ANKRD36: variants seen among roughly 807,000 people sequenced by gnomAD.
ANKRD36 encodes ankyrin repeat domain 36.
ANKRD36 carries 179 observed loss-of-function variants against 278.1 expected under a neutral mutation model. The observed-to-expected ratio is 0.64, with a 90% CI of 0.57 to 0.73. The LOEUF (loss-of-function observed/expected upper bound fraction) is 0.73, where lower values mean the gene tolerates loss of function less well. Ranked by LOEUF, ANKRD36 falls within the 30% of genes least tolerant of loss-of-function variation. The pLI, the probability that ANKRD36 is intolerant of heterozygous loss-of-function variation, is 0.00. For synonymous variants in ANKRD36, 320 were observed against 641.1 expected, an observed-to-expected ratio of 0.50 and a Z score of 7.57; for missense variants, 1,159 against 1,956.7, an observed-to-expected ratio of 0.59 and a Z score of 7.69.
intron 8 of ANKRD36, 48 bp downstream of exon 8, chr2:97,142,883 G>T (rs771257830): frequency 2.1e-5 from 32 of 1,513,338 alleles, no homozygotes. Flanking sequence ...GGATAGAAGA[G>T]AACTTCTGTT....
chr2:97,200,628 C>A, intron 46 of ANKRD36, 103 bp downstream of exon 46: 1 of 1,496,326 alleles, frequency 6.7e-7, no homozygotes, highest in Non-Finnish European at 9.0e-7. Flanking sequence ...CGTTCTGATT[C>A]ACCAAGCTTG....
Position 97,127,781 on chromosome 2 carries a change from T to C in ANKRD36, c.799+647T>C, listed in dbSNP as rs1207017463. On this transcript the variant is annotated intron_variant, in intron 6 of 75. Transcript: ENST00000420699. ...TTTACTCCATTTACTCATTTTAAAA[T>C]GTTGGTCTTTTTCTTGCCCGCATGC... Among the ~76,000 whole-genome samples, 2 of 152,028 alleles carry C rather than the reference T, an allele frequency of 1.3e-5. 1 individual carries two copies. Among genetic ancestry groups the C allele is most frequent in the Admixed American group, 1.3e-4 (2 of 15,184 alleles).
chr2:97,185,875 A>T (rs2057321774), intron 30 of ANKRD36, among the ~76,000 whole-genome samples: 1 of 151,850 alleles, frequency 6.6e-6, no homozygotes, highest in Non-Finnish European at 1.5e-5. Context: ...TTATTGCTAA[A>T]AACAGATGGA....
intron 50 of ANKRD36, among the ~76,000 whole-genome samples, chr2:97,204,464 C>T (rs984063397): frequency 6.6e-6 from 1 of 151,562 alleles, no homozygotes; most frequent in African/African-American, 2.4e-5. Flanking sequence ...TATACACTTC[C>T]CCACATTGAA....
intron 32 of ANKRD36, among the ~76,000 whole-genome samples, chr2:97,188,480 C>G (rs1001063735): frequency 2.6e-5 from 4 of 151,562 alleles, no homozygotes; most frequent in African/African-American, 9.7e-5. Flanking sequence ...ATACAAGATA[C>G]TTAGGCAAAT....
Position 97,206,121 on chromosome 2 carries a change from A to C in ANKRD36, c.3149A>C (p.Glu1050Ala), listed in dbSNP as rs1334286974. 1.3e-6 allele frequency: 2 copies of C among 1,541,958 alleles called. No individual in the cohort carries two copies. The highest frequency in any genetic ancestry group is 4.9e-5 in the East Asian group (2 of 41,200). Residue 1050 changes from glutamate to alanine, a missense_variant, in exon 52 of 76, where the codon GAA becomes GCA. Transcript: ENST00000420699. ...ATAGCCAGAGAAAACAAGGATGGAGAAAAATCTAGGACAGGTAATTCTGAA... is the reference window on the plus strand; with the variant it reads ...ATAGCCAGAGAAAACAAGGATGGAGCAAAATCTAGGACAGGTAATTCTGAA... The part of the protein sequence containing the change: ...LSIARENKDG[E>A]KSRTVSSEKP...
chr2:97,228,657 G>C (rs1463131574), intron 67 of ANKRD36, among the ~76,000 whole-genome samples: 4 of 151,316 alleles, frequency 2.6e-5, no homozygotes, highest in Non-Finnish European at 5.9e-5. Flanking sequence ...TCTGATTTTA[G>C]TTATTTCTTG....
intron 42 of ANKRD36, among the ~76,000 whole-genome samples, chr2:97,197,149 T>C (rs924173251): frequency 1.3e-5 from 2 of 151,920 alleles, no homozygotes; most frequent in Non-Finnish European, 2.9e-5. Flanking sequence ...ATCATACTGC[T>C]AAAAACAGAC....
Position 97,207,949 on chromosome 2 carries a change from A to T in ANKRD36, c.3208A>T (p.Lys1070Ter), listed in dbSNP as rs763353324. 6 of 1,527,740 alleles carry T rather than the reference A, an allele frequency of 3.9e-6. No homozygotes were observed. In the South Asian group the frequency reaches 7.2e-5, roughly 18 times the overall value. The allele number at this position is 1,527,740 out of a possible 1,614,324, so 94.6% of individuals were successfully genotyped here. ...PSGLKATSAE[K>*]DSVLNIARGK... ...TTCCATTCAGGCTACAAGTGCCGAG[A>T]AAGATTCTGTTTTGAATATAGCCAG... The change falls in exon 54 of 76, where the codon AAA becomes TAA. Residue 1070 changes from lysine to a stop codon, truncating the protein, a stop_gained. Transcript: ENST00000420699. LOFTEE classifies it high-confidence loss of function.
At chr2:97,157,958 T>G (rs1445487480) in intron 15 of ANKRD36, 149 bp from the exon 16 acceptor site, 3 of 663,608 alleles carry the variant, frequency 4.5e-6, no homozygotes, top group Admixed American at 5.9e-5. Flanking sequence ...TGTGAATATG[T>G]AGATAAGTAA....
intron 36 of ANKRD36, 79 bp from the exon 37 acceptor site, chr2:97,192,779 G>A: frequency 6.6e-7 from 1 of 1,511,580 alleles, no homozygotes; most frequent in Non-Finnish European, 9.1e-7. Flanking sequence ...AACAGAGGTT[G>A]ATACAAACAC....
intron 46 of ANKRD36, 99 bp from the exon 47 acceptor site, chr2:97,202,103 C>A: frequency 6.3e-7 from 1 of 1,579,016 alleles, no homozygotes; most frequent in Non-Finnish European, 8.6e-7. Flanking sequence ...TATGCTAATA[C>A]AGGCAGGAGG....
Position 97,164,446 on chromosome 2 carries a change from T to G in ANKRD36, c.1508T>G (p.Met503Arg). Residue 503 changes from methionine (M) to arginine (R), a missense_variant, in exon 20 of 76, where the codon ATG becomes AGG. Physicochemically the swap from Met to Arg is moderately conservative, Grantham distance 91. Transcript: ENST00000420699. ...ATTTCAACTAGATTCTTAGGAGGTA[T>G]GGATTCACTAACTTCCAGTGAAGGT... ...DHISTRFLGG[M>R]DSLTSSEESS... 6.5e-7 allele frequency: 1 copy of G among 1,537,236 alleles called. No individual in the cohort carries two copies. The highest frequency in any genetic ancestry group is 8.7e-7 in the Non-Finnish European group (1 of 1,146,776).
intron 42 of ANKRD36, among the ~76,000 whole-genome samples, chr2:97,198,118 C>A (rs1261567965): frequency 6.6e-6 from 1 of 151,900 alleles, no homozygotes. Flanking sequence ...GTAGCACCTG[C>A]TTTGACATTG....
chr2:97,210,310 A>G (rs568690996), intron 56 of ANKRD36, among the ~76,000 whole-genome samples: 8 of 151,772 alleles, frequency 5.3e-5, no homozygotes, highest in Admixed American at 1.3e-4. Context: ...TGTAGCAACT[A>G]TTTTCCTAAG....
intron 42 of ANKRD36, among the ~76,000 whole-genome samples, chr2:97,197,038 A>G (rs2059965340): frequency 2.0e-5 from 3 of 151,918 alleles, no homozygotes; most frequent in Admixed American, 2.0e-4. Flanking sequence ...TGAAGACATA[A>G]GGGTCTCTGG....
chr2:97,189,725 AC>A (rs1422301890), intron 34 of ANKRD36, among the ~76,000 whole-genome samples: 1 of 80,164 alleles, frequency 1.2e-5, no homozygotes, highest in African/African-American at 2.8e-5. Context: ...AACTAAGGAG[AC>A]CCCTGATGTA....
intron 1 of ANKRD36, among the ~76,000 whole-genome samples, chr2:97,115,886 A>G (rs1061556): frequency 1.3e-5 from 2 of 150,352 alleles, no homozygotes; most frequent in Non-Finnish European, 3.0e-5. Context: ...ACCCCTTATA[A>G]TGGATTTTAT....
chr2:97,185,120 T>C (rs1342894349), intron 28 of ANKRD36, among the ~76,000 whole-genome samples, 196 bp from the exon 29 acceptor site: 2 of 151,820 alleles, frequency 1.3e-5, no homozygotes, highest in Non-Finnish European at 2.9e-5. Flanking sequence ...ATTGACATTG[T>C]AAGGGTTTAT....
Sources: allele counts gnomAD v4.1 joint callset (sites outside exome capture counted in the v4.1 genomes callset), GRCh38; gene constraint gnomAD v4.1.1; transcripts MANE v1.5; gene names NCBI Gene and HGNC (gene_info 2026-07-23, HGNC 2026-07-21).